The following CDC5L variants were observed in gnomAD, a reference collection of about 807,000 sequenced individuals.
CDC5L encodes the protein cell division cycle 5 like.
CDC5L carries 18 observed loss-of-function variants against 104.1 expected under a neutral mutation model. The ratio of observed to expected loss-of-function variants is 0.17; its 90% CI spans 0.12 to 0.26. The LOEUF (loss-of-function observed/expected upper bound fraction) is 0.26, where lower values mean the gene tolerates loss of function less well. Ranked by LOEUF, CDC5L falls within the 10% of genes least tolerant of loss-of-function variation. The pLI, the probability that CDC5L is intolerant of heterozygous loss-of-function variation, is 1.00. For missense variants in CDC5L, 673 were observed against 956.9 expected, an observed-to-expected ratio of 0.70 and a Z score of 3.91; for synonymous variants, 331 against 322.7, an observed-to-expected ratio of 1.03 and a Z score of -0.28.
chr6:44,437,716 A>G (rs1483318745), intron 14 of CDC5L, among the ~76,000 whole-genome samples: 1 of 152,218 alleles, frequency 6.6e-6, no homozygotes, highest in East Asian at 1.9e-4. Context: ...CTTGATGACT[A>G]ATTAAGCAGT....
chr6:44,434,693 G>A (rs1792846000), intron 14 of CDC5L, among the ~76,000 whole-genome samples: 1 of 152,114 alleles, frequency 6.6e-6, no homozygotes, highest in Non-Finnish European at 1.5e-5. Context: ...TCACTGTAAC[G>A]GACTTTTACT....
intron 14 of CDC5L, among the ~76,000 whole-genome samples, chr6:44,438,997 G>A (rs1302162155): frequency 6.6e-6 from 1 of 152,118 alleles, no homozygotes; most frequent in Non-Finnish European, 1.5e-5. Context: ...TTCTGTATCA[G>A]CAGTTACTCC....
intron 11 of CDC5L, among the ~76,000 whole-genome samples, chr6:44,424,866 C>A (rs913784899): frequency 6.6e-6 from 1 of 152,108 alleles, no homozygotes; most frequent in Non-Finnish European, 1.5e-5. Context: ...GTCTTTTAGA[C>A]ATTGCTTCAA....
chr6:44,410,173 T>C (rs1210769230), intron 8 of CDC5L, among the ~76,000 whole-genome samples: 1 of 152,214 alleles, frequency 6.6e-6, no homozygotes, highest in Non-Finnish European at 1.5e-5. Context: ...CTTGAACTTA[T>C]TTCTCCTGTC....
In CDC5L at chr6:44,445,798, T is replaced by C. The variant is rs567368751; in HGVS notation, c.2235T>C (p.Ala745=). The C allele has an allele frequency of 1.1e-5, 17 of 1,614,062 alleles. No homozygotes were observed. Among genetic ancestry groups the C allele is most frequent in the South Asian group, 5.5e-5 (5 of 91,080 alleles). ...ACTTATGGGACCAAATTGAACAGGC[T>C]CACTTGGAGTTACGCACTTTTGAAG... ...LNDLWDQIEQ[A]HLELRTFEEL... is the part of the protein sequence containing the mutation. Residue 745 remains alanine, a synonymous_variant, in exon 15 of 16, where the codon GCT becomes GCC. Coordinates refer to ENST00000371477, the MANE Select transcript of CDC5L (RefSeq NM_001253.4).
chr6:44,415,998 T>C (rs1791890013), intron 8 of CDC5L, among the ~76,000 whole-genome samples: 1 of 152,170 alleles, frequency 6.6e-6, no homozygotes, highest in Non-Finnish European at 1.5e-5. Context: ...TTTGTGAGCT[T>C]TTATTGGTTC....
At position 44,418,610 on chromosome 6, in the gene CDC5L, C is replaced by G. The variant is rs576903658; in HGVS notation, c.1093-839C>G. ...ATGGTTGAACTAGTTTACAGTCCCA[C>G]CAGCAGTGTAAAAGTGTTCCTATTT... is the stretch of plus-strand genomic sequence containing the variant. On this transcript the variant is annotated intron_variant, in intron 8 of 15. Transcript: ENST00000371477. 7.2e-5 allele frequency among the ~76,000 whole-genome samples: 11 copies of G among 152,226 alleles called. No homozygotes were observed. In the East Asian group the frequency reaches 1.7e-3, roughly 24 times the overall value.
At chr6:44,424,979 T>G (rs1373510298) in intron 11 of CDC5L, among the ~76,000 whole-genome samples, 6 of 152,158 alleles carry the variant, frequency 3.9e-5, no homozygotes, top group Non-Finnish European at 8.8e-5. Context: ...CTCGAGAGGC[T>G]GAGGTGGGAG....
chr6:44,413,250 T>C (rs986392620), intron 8 of CDC5L, among the ~76,000 whole-genome samples: 1 of 152,248 alleles, frequency 6.6e-6, no homozygotes, highest in African/African-American at 2.4e-5. Context: ...TAATATATGA[T>C]GTTTTGTGAC....
intron 1 of CDC5L, 61 bp downstream of exon 1, chr6:44,387,929 C>A: frequency 6.6e-7 from 1 of 1,514,510 alleles, no homozygotes; most frequent in Non-Finnish European, 8.9e-7. Flanking sequence ...TGTGCGCACG[C>A]GCGCGGAGGT....
chr6:44,432,296 C>T (rs1439263769), intron 14 of CDC5L, among the ~76,000 whole-genome samples: 1 of 152,126 alleles, frequency 6.6e-6, no homozygotes, highest in Non-Finnish European at 1.5e-5. Context: ...GGGGAAGGAA[C>T]TCCAGTTATA....
chr6:44,415,753 T>G (rs1461119346), intron 8 of CDC5L, among the ~76,000 whole-genome samples: 1 of 152,128 alleles, frequency 6.6e-6, no homozygotes, highest in East Asian at 1.9e-4. Context: ...GCATGTGATA[T>G]TTGTTCTGGG....
intron 7 of CDC5L, among the ~76,000 whole-genome samples, chr6:44,407,393 C>T (rs1345782597): frequency 1.3e-5 from 2 of 150,638 alleles, no homozygotes; most frequent in Non-Finnish European, 2.9e-5. Context: ...GTGGTGCCAT[C>T]TAGGCTCACT....
chr6:44,388,361 G>A (rs1790446550), intron 1 of CDC5L, among the ~76,000 whole-genome samples: 1 of 152,028 alleles, frequency 6.6e-6, no homozygotes, highest in Non-Finnish European at 1.5e-5. Flanking sequence ...GCCCGTTTAT[G>A]CCCGCATCTC....
rs10948136 is a variant in CDC5L, at chr6:44,392,796, G to A, written c.279G>A (p.Ala93=). The change falls in exon 3 of 16, where the codon GCG becomes GCA. Residue 93 remains alanine (A), a synonymous_variant. Coordinates refer to ENST00000371477, the MANE Select transcript of CDC5L (RefSeq NM_001253.4). The part of the protein sequence containing the change: ...RTIAPIIGRT[A]AQCLEHYEFL... ...TTGCTCCAATCATTGGAAGAACAGC[G>A]GCCCAGTGCTTAGAACACTATGAAT... is the stretch of plus-strand genomic sequence containing the variant. 0.036 allele frequency: 58,461 copies of A among 1,613,848 alleles called. 2,171 individuals carry two copies. The highest frequency in any genetic ancestry group is 0.18 in the Admixed American group (10,802 of 60,014).
intron 14 of CDC5L, among the ~76,000 whole-genome samples, chr6:44,444,945 G>A (rs945748967): frequency 2.2e-4 from 34 of 152,082 alleles, no homozygotes; most frequent in African/African-American, 8.2e-4. Context: ...CTGCCAGAAG[G>A]CTACTTTTGC....
chr6:44,398,850 A>G (rs908486398), intron 5 of CDC5L, among the ~76,000 whole-genome samples: 2 of 152,260 alleles, frequency 1.3e-5, no homozygotes, highest in Non-Finnish European at 2.9e-5. Context: ...ATATATGTAC[A>G]CTAACGTTTA....
chr6:44,439,359 G>A (rs559593062), intron 14 of CDC5L, among the ~76,000 whole-genome samples: 45 of 152,128 alleles, frequency 3.0e-4, no homozygotes, highest in Non-Finnish European at 4.9e-4. Flanking sequence ...TTTCTCTTGG[G>A]AAATACTGGG....
intron 2 of CDC5L, among the ~76,000 whole-genome samples, chr6:44,390,911 TATATA>T (rs1009448787): frequency 3.5e-5 from 5 of 143,980 alleles, no homozygotes; most frequent in African/African-American, 1.3e-4. Context: ...TACTTAATGT[TATATA>T]TTATATATTA....
Sources: gnomAD v4.1 joint callset for allele counts (sites outside exome capture counted in the v4.1 genomes callset) on GRCh38, gnomAD v4.1.1 for gene constraint, MANE v1.5 for transcripts, NCBI Gene and HGNC (gene_info 2026-07-23, HGNC 2026-07-21) for gene names.